Variants in PTPN21 observed in about 807,000 individuals in gnomAD.
PTPN21 encodes tyrosine-protein phosphatase non-receptor type 21.
Under a neutral mutation model 131.8 loss-of-function variants are expected in PTPN21, and 77 were observed. The ratio of observed to expected loss-of-function variants is 0.58; its 90% CI spans 0.49 to 0.71. PTPN21 has a LOEUF of 0.71. Ranked by LOEUF, PTPN21 falls within the 30% of genes least tolerant of loss-of-function variation. The pLI, the probability that PTPN21 is intolerant of heterozygous loss-of-function variation, is 0.00. For synonymous variants in PTPN21, 715 were observed against 621.3 expected (o/e 1.15, Z -2.24); for missense variants, 1,552 against 1,527.1 (o/e 1.02, Z -0.27).
intron 2 of PTPN21, among the ~76,000 whole-genome samples, chr14:88,517,682 A>ATATG (rs1288763694): frequency 1.8e-4 from 26 of 148,164 alleles, no homozygotes; most frequent in African/African-American, 6.4e-4. Flanking sequence ...ACATATGTAT[A>ATATG]TATACATATG....
chr14:88,487,869 G>A (rs546674054), intron 10 of PTPN21, among the ~76,000 whole-genome samples: 1 of 151,874 alleles, frequency 6.6e-6, no homozygotes, highest in Non-Finnish European at 1.5e-5. Flanking sequence ...AGGACGCTGA[G>A]GCAGGAGAAT....
At chr14:88,521,657 C>T (rs191284566) in intron 2 of PTPN21, among the ~76,000 whole-genome samples, 9 of 151,162 alleles carry the variant, frequency 6.0e-5, no homozygotes, top group African/African-American at 2.2e-4. Flanking sequence ...ATGATCTGCC[C>T]GCCTCGGCCT....
At chr14:88,524,114 A>C (rs1465781038) in intron 2 of PTPN21, among the ~76,000 whole-genome samples, 2 of 152,220 alleles carry the variant, frequency 1.3e-5, no homozygotes, top group Non-Finnish European at 2.9e-5. Flanking sequence ...TTTCATAGAG[A>C]TAAAAAGCCA....
chr14:88,471,922 GAA>G (rs11456515), intron 15 of PTPN21, among the ~76,000 whole-genome samples: 142 of 142,008 alleles, frequency 1.0e-3, no homozygotes, highest in African/African-American at 3.6e-3. Context: ...AAAGGCAAAA[GAA>G]AAAAAAAAAA....
intron 2 of PTPN21, among the ~76,000 whole-genome samples, chr14:88,538,265 T>A (rs1052476849): frequency 2.0e-5 from 3 of 152,212 alleles, no homozygotes; most frequent in Non-Finnish European, 4.4e-5. Context: ...TGCCTCTACC[T>A]TTCTCCTTGC....
At position 88,536,633 on chromosome 14, in the gene PTPN21, G is replaced by A. The variant is rs146213171; in HGVS notation, c.180+13605C>T. Among the ~76,000 whole-genome samples the A allele has an allele frequency of 4.6e-3, 704 of 152,258 alleles. 7 individuals are homozygous for A. Among genetic ancestry groups the A allele is most frequent in the African/African-American group, 0.016 (646 of 41,544 alleles). ...TTTCCTAATCCCTAAGTCATTTCTC[G>A]TCTAATTATTTTAAGAGTCTTTTTG... On this transcript the variant is annotated intron_variant, in intron 2 of 18. Transcript: ENST00000556564.
In PTPN21 at chr14:88,550,601, G is replaced by A. The variant is rs1408431114; in HGVS notation, c.-184C>T. ...ACGGAGTCTCCAATGGCCCGAGGAA[G>A]GGAGCATTGACGCCAGCGCTGGGGA... On this transcript the variant is annotated 5_prime_UTR_variant, in exon 2 of 19. Coordinates refer to ENST00000556564, the MANE Select transcript of PTPN21 (RefSeq NM_007039.4). 7 of 593,590 alleles carry A rather than the reference G, an allele frequency of 1.2e-5. No individual in the cohort carries two copies. The highest frequency in any genetic ancestry group is 2.0e-5 in the Non-Finnish European group (7 of 345,254). The allele number at this position is 593,590 out of a possible 1,614,324, so 36.8% of individuals were successfully genotyped here.
At chr14:88,497,724 A>G (rs1410195636) in intron 8 of PTPN21, among the ~76,000 whole-genome samples, 2 of 151,984 alleles carry the variant, frequency 1.3e-5, no homozygotes, top group Non-Finnish European at 2.9e-5. Flanking sequence ...GCTTGCAGTG[A>G]GCCGAGATCG....
chr14:88,485,961 C>T lies in PTPN21; in HGVS notation c.933-119G>A. 9 of 646,436 alleles carry T rather than the reference C, an allele frequency of 1.4e-5. No homozygotes were observed. The South Asian group carries it at 2.2e-4, about 16-fold the overall frequency. 40.0% of individuals were successfully genotyped at this position (646,436 alleles called of 1,614,324 possible). ...TCAGGCAAAAAAAAAGACAAGCTATCTAAGTCATGAAGTCAAAGAAAAGAA... is the reference window on the plus strand; with the variant it reads ...TCAGGCAAAAAAAAAGACAAGCTATTTAAGTCATGAAGTCAAAGAAAAGAA... On this transcript the variant is annotated intron_variant, in intron 10 of 18. Transcript: ENST00000556564.
chr14:88,473,872 C>A (rs769571716), intron 13 of PTPN21, 70 bp from the exon 14 acceptor site: 20 of 1,373,678 alleles, frequency 1.5e-5, no homozygotes, highest in Non-Finnish European at 1.9e-5. Context: ...AGTTTCAATG[C>A]ACTGAAGACC....
rs34744168 is a variant in PTPN21, at chr14:88,546,396, TA to T, written c.180+3841del. On this transcript the variant is annotated intron_variant, in intron 2 of 18. Transcript: ENST00000556564. ...AACATGATAAAACCCCATCTCTACT[TA>T]AAAAAAAAAAAAATACAAAAATACA... Among the ~76,000 whole-genome samples the T allele has an allele frequency of 7.2e-3, 1,022 of 142,090 alleles. 6 individuals are homozygous for T. The highest frequency in any genetic ancestry group is 0.027 in the East Asian group (133 of 4,872). The allele number at this position is 142,090 out of a possible 152,430, so 93.2% of individuals were successfully genotyped here.
intron 12 of PTPN21, among the ~76,000 whole-genome samples, chr14:88,482,937 G>A (rs890146828): frequency 2.0e-5 from 3 of 151,778 alleles, no homozygotes; most frequent in African/African-American, 7.3e-5. Flanking sequence ...AGAAAGGGCT[G>A]GGCACAGTGG....
chr14:88,493,782 C>G (rs1352206950), intron 10 of PTPN21, among the ~76,000 whole-genome samples: 2 of 151,982 alleles, frequency 1.3e-5, no homozygotes, highest in African/African-American at 4.8e-5. Flanking sequence ...TGTCACTTGG[C>G]TGGGTAGCCT....
intron 6 of PTPN21, among the ~76,000 whole-genome samples, chr14:88,503,158 T>C (rs1404128108): frequency 6.6e-6 from 1 of 151,898 alleles, no homozygotes; most frequent in Non-Finnish European, 1.5e-5. Context: ...GCCTCAGCCT[T>C]CTGAGTAGCT....
At chr14:88,496,704 G>A (rs2077922591) in intron 9 of PTPN21, among the ~76,000 whole-genome samples, 1 of 152,188 alleles carries the variant, frequency 6.6e-6, no homozygotes, top group African/African-American at 2.4e-5. Flanking sequence ...TGTTCTAACA[G>A]TGTGATTCTC....
chr14:88,512,008 T>C (rs1419284064), intron 3 of PTPN21, among the ~76,000 whole-genome samples: 2 of 152,202 alleles, frequency 1.3e-5, no homozygotes, highest in Non-Finnish European at 2.9e-5. Context: ...AGGCAATGTG[T>C]AGGCATCGGC....
rs556218666 is a variant in PTPN21, at chr14:88,469,226, T to C, written c.3236-150A>G. 5 of 863,090 alleles carry C rather than the reference T, an allele frequency of 5.8e-6. No homozygotes were observed. The highest frequency in any genetic ancestry group is 8.8e-6 in the Non-Finnish European group (5 of 571,410). The allele number at this position is 863,090 out of a possible 1,614,324, so 53.5% of individuals were successfully genotyped here. A position where few individuals can be genotyped will look rare whatever the true frequency, so the allele number is the denominator to read the frequency against. ...ACCAAACCCAACCACAAAGGGACAG[T>C]GTGACCCTGAGCAAGTCACTACCTC... On this transcript the variant is annotated intron_variant, in intron 17 of 18. Transcript: ENST00000556564. This position sits in a 1 kb window ranked among gnomAD's most constrained non-coding sequence, Gnocchi z 4.3.
chr14:88,505,396 G>A (rs768189217), intron 4 of PTPN21, 25 bp from the exon 5 acceptor site: 8 of 1,509,356 alleles, frequency 5.3e-6, no homozygotes, highest in East Asian at 4.5e-5. Flanking sequence ...AAACATTCAC[G>A]TTAATTATAT....
chr14:88,527,540 G>C (rs1389526303), intron 2 of PTPN21, among the ~76,000 whole-genome samples: 1 of 152,128 alleles, frequency 6.6e-6, no homozygotes, highest in African/African-American at 2.4e-5. Flanking sequence ...TGAGTTCCTT[G>C]TGGATTCTGG....
Sources: gnomAD v4.1 joint callset for allele counts (sites outside exome capture counted in the v4.1 genomes callset) on GRCh38, gnomAD v4.1.1 for gene constraint, Gnocchi (gnomAD v3.1) non-coding constraint, MANE v1.5 for transcripts, NCBI Gene and HGNC (gene_info 2026-07-23, HGNC 2026-07-21) for gene names.